CPB2: variants seen among roughly 807,000 people sequenced by gnomAD.
CPB2 encodes carboxypeptidase B2.
A neutral mutation model predicts 57.0 loss-of-function variants in CPB2; 54 were observed. That is an observed-to-expected ratio of 0.95 (90% confidence interval 0.76 to 1.19). CPB2 has a LOEUF of 1.19. Ranked by LOEUF, CPB2 falls within the 50% of genes most tolerant of loss-of-function variation. The pLI is 0.00. For synonymous variants in CPB2, 189 were observed against 178.1 expected (o/e 1.06, Z -0.49); for missense variants, 426 against 512.0 (o/e 0.83, Z 1.62).
intron 8 of CPB2, among the ~76,000 whole-genome samples, chr13:46,063,562 A>T (rs1401747858): frequency 6.6e-6 from 1 of 151,990 alleles, no homozygotes; most frequent in African/African-American, 2.4e-5. Flanking sequence ...TCTTTATCCA[A>T]TCCGCCATTG....
At position 46,073,918 on chromosome 13, in the gene CPB2, G is replaced by A. The variant is rs1246894554; in HGVS notation, c.546C>T (p.Ala182=). Residue 182 remains alanine, a synonymous_variant, in exon 6 of 11, where the codon GCC becomes GCT. Coordinates refer to ENST00000181383, the MANE Select transcript of CPB2 (RefSeq NM_001872.5). ...NAIWIDCGIH[A]REWISPAFCL... Reference sequence around the variant, plus strand: ...AGAAAGCAGGAGAGATCCATTCTCTGGCATGGATTCCACAGTCAATCCATA... The same window carrying A: ...AGAAAGCAGGAGAGATCCATTCTCTAGCATGGATTCCACAGTCAATCCATA... The A allele has an allele frequency of 6.3e-7, 1 of 1,591,132 alleles. No homozygotes were observed. The highest frequency in any genetic ancestry group is 8.6e-7 in the Non-Finnish European group (1 of 1,162,190).
intron 2 of CPB2, among the ~76,000 whole-genome samples, chr13:46,085,000 G>C (rs1380940763): frequency 6.6e-6 from 1 of 151,628 alleles, no homozygotes; most frequent in Non-Finnish European, 1.5e-5. Context: ...ACAGGCGCCC[G>C]CCACCACGCC....
chr13:46,068,300 A>G (rs2044885743), intron 6 of CPB2, among the ~76,000 whole-genome samples: 1 of 152,204 alleles, frequency 6.6e-6, no homozygotes, highest in Non-Finnish European at 1.5e-5. Flanking sequence ...TTGACAAAAT[A>G]AAAACAAGCC....
intron 8 of CPB2, among the ~76,000 whole-genome samples, chr13:46,063,006 TTC>T (rs1264717698): frequency 6.6e-6 from 1 of 152,224 alleles, no homozygotes; most frequent in Non-Finnish European, 1.5e-5. Context: ...ATACAATAGC[TTC>T]TCTCCCTTAT....
chr13:46,067,436 A>G lies in CPB2; in HGVS notation c.592-19T>C, dbSNP rs1222504287. 2 of 1,146,992 alleles carry G rather than the reference A, an allele frequency of 1.7e-6. No homozygotes were observed. Among genetic ancestry groups the G allele is most frequent in the Non-Finnish European group, 2.6e-6 (2 of 763,764 alleles). The allele number at this position is 1,146,992 out of a possible 1,614,324, so 71.1% of individuals were successfully genotyped here. A position where few individuals can be genotyped will look rare whatever the true frequency, so the allele number is the denominator to read the frequency against. On this transcript the variant is annotated intron_variant, in intron 6 of 10. Coordinates refer to ENST00000181383, the MANE Select transcript of CPB2 (RefSeq NM_001872.5). The stretch of plus-strand genomic sequence containing the variant: ...GAGTTATCTGCAAATTAAACCAAGT[A>G]TATTTAATTAGATGTTTTAAGTTCT...
chr13:46,092,664 A>T (rs2045309675), intron 1 of CPB2, among the ~76,000 whole-genome samples: 1 of 152,168 alleles, frequency 6.6e-6, no homozygotes, highest in Non-Finnish European at 1.5e-5. Flanking sequence ...CAAGAGATAA[A>T]GGGCATTTTT....
At chr13:46,063,351 G>A (rs2044804375) in intron 8 of CPB2, among the ~76,000 whole-genome samples, 1 of 152,008 alleles carries the variant, frequency 6.6e-6, no homozygotes, top group African/African-American at 2.4e-5. Flanking sequence ...AGTCCCCAGT[G>A]TCTATTCCCA....
At chr13:46,088,755 A>G (rs1158776857) in intron 1 of CPB2, among the ~76,000 whole-genome samples, 2 of 152,110 alleles carry the variant, frequency 1.3e-5, no homozygotes, top group East Asian at 3.8e-4. Context: ...TGACTTATTA[A>G]TGAAGTACAG....
intron 1 of CPB2, among the ~76,000 whole-genome samples, chr13:46,102,217 A>G (rs903376508): frequency 6.6e-6 from 1 of 152,182 alleles, no homozygotes; most frequent in African/African-American, 2.4e-5. Context: ...TCTTCTTCCT[A>G]GTGTCTCTTA....
intron 1 of CPB2, among the ~76,000 whole-genome samples, chr13:46,094,225 C>G (rs1018326104): frequency 6.6e-6 from 1 of 152,150 alleles, no homozygotes; most frequent in African/African-American, 2.4e-5. Flanking sequence ...TGTGCTCTAT[C>G]TCTTTTTTCA....
Position 46,074,953 on chromosome 13 carries a change from T to C in CPB2, c.487-976A>G, listed in dbSNP as rs376161418. On this transcript the variant is annotated intron_variant, in intron 5 of 10. Coordinates refer to ENST00000181383, the MANE Select transcript of CPB2 (RefSeq NM_001872.5). ...ACAGGAAGCATTGCTCAGGCAGTAATGCTTGCTCGCTGGCTATTCATCTCC... is the reference window on the plus strand; with the variant it reads ...ACAGGAAGCATTGCTCAGGCAGTAACGCTTGCTCGCTGGCTATTCATCTCC... 3.3e-5 allele frequency among the ~76,000 whole-genome samples: 5 copies of C among 152,318 alleles called. No homozygotes were observed. The East Asian group carries it at 5.8e-4, about 18-fold the overall frequency.
At chr13:46,081,602 T>C (rs2045119282) in intron 4 of CPB2, among the ~76,000 whole-genome samples, 1 of 152,212 alleles carries the variant, frequency 6.6e-6, no homozygotes, top group South Asian at 2.1e-4. Flanking sequence ...ATACATAAAA[T>C]TGATTCTCAT....
Position 46,082,523 on chromosome 13 carries a change from A to G in CPB2, c.302T>C (p.Leu101Pro). ...GTCGTTGGAAATCTGCTGTTGAATAAGATCTTCCACATCTGCCAGCAAGAC... is the reference window on the plus strand; with the variant it reads ...GTCGTTGGAAATCTGCTGTTGAATAGGATCTTCCACATCTGCCAGCAAGAC... ...CSVLLADVED[L>P]IQQQISNDTV... Residue 101 changes from leucine (L) to proline (P), a missense_variant, in exon 4 of 11, where the codon CTT becomes CCT. Transcript: ENST00000181383. 1.2e-6 allele frequency: 2 copies of G among 1,613,612 alleles called. No homozygotes were observed. The highest frequency in any genetic ancestry group is 1.3e-5 in the African/African-American group (1 of 75,042).
chr13:46,055,055 T>C (rs975382267), intron 10 of CPB2, among the ~76,000 whole-genome samples: 3 of 142,490 alleles, frequency 2.1e-5, no homozygotes, highest in Middle Eastern at 3.5e-3. Flanking sequence ...CTGGCCTCTT[T>C]TTGTTTTTTT....
At chr13:46,082,640 G>GA (rs569264593) in intron 3 of CPB2, 91 bp from the exon 4 acceptor site, 48 of 702,178 alleles carry the variant, frequency 6.8e-5, no homozygotes, top group Middle Eastern at 3.1e-4. Context: ...TGAGCATGAA[G>GA]AAAAAAAATC....
chr13:46,053,710 G>C lies in CPB2; in HGVS notation c.1176C>G (p.Tyr392Ter), dbSNP rs747504135. ...TGTAACGCTCCGGCAGCAAGAATCC[G>C]TATGTGCCCGTATCTCGAAGTTCAA... ...FTIELRDTGT[Y>*]GFLLPERYIK... The change falls in exon 11 of 11, where the codon TAC becomes TAG. Residue 392 changes from tyrosine to a stop codon, truncating the protein, a stop_gained. Coordinates refer to ENST00000181383, the MANE Select transcript of CPB2 (RefSeq NM_001872.5). LOFTEE classifies it high-confidence loss of function. The C allele has an allele frequency of 6.2e-7, 1 of 1,614,172 alleles. No individual in the cohort carries two copies. The highest frequency in any genetic ancestry group is 8.5e-7 in the Non-Finnish European group (1 of 1,180,032).
intron 4 of CPB2, among the ~76,000 whole-genome samples, chr13:46,082,207 T>C (rs746130326): frequency 8.5e-5 from 13 of 152,176 alleles, no homozygotes; most frequent in Non-Finnish European, 1.8e-4. Context: ...TCCCAGCAGT[T>C]AGAGATATTC....
rs1479759281 is a variant in CPB2, at chr13:46,093,279, C to A, written c.75-5459G>T. ...AATCCTGAGTAAAATATTCTGAATT[C>A]TGGAAATAAGTCTATGGAGAGACTT... On this transcript the variant is annotated intron_variant, in intron 1 of 10. Coordinates refer to ENST00000181383, the MANE Select transcript of CPB2 (RefSeq NM_001872.5). Among the ~76,000 whole-genome samples the A allele has an allele frequency of 2.6e-5, 4 of 152,218 alleles. No individual in the cohort carries two copies. In the East Asian group the frequency reaches 7.7e-4, roughly 29 times the overall value.
intron 1 of CPB2, among the ~76,000 whole-genome samples, chr13:46,103,795 C>T (rs1049479063): frequency 1.3e-5 from 2 of 152,070 alleles, no homozygotes; most frequent in African/African-American, 4.8e-5. Context: ...AGCCAATTAT[C>T]AAGTTATGGA....
Sources: allele counts gnomAD v4.1 joint callset (sites outside exome capture counted in the v4.1 genomes callset), GRCh38; gene constraint gnomAD v4.1.1; transcripts MANE v1.5; gene names NCBI Gene and HGNC (gene_info 2026-07-23, HGNC 2026-07-21).